ATP10B: variants seen among roughly 807,000 people sequenced by gnomAD.
ATP10B encodes the protein phospholipid-transporting ATPase VB.
ATP10B carries 122 observed loss-of-function variants against 141.2 expected under a neutral mutation model. The ratio of observed to expected loss-of-function variants is 0.86; its 90% CI spans 0.75 to 1.00. The LOEUF (loss-of-function observed/expected upper bound fraction) is 1.00. Among genes scored for constraint, ATP10B ranks in the 50% least tolerant of loss-of-function variants. The pLI is 0.00. For missense variants in ATP10B, 1,876 were observed against 1,825.3 expected (o/e 1.03, Z -0.51); for synonymous variants, 685 against 692.0 (o/e 0.99, Z 0.16).
At chr5:160,742,794 G>A (rs528582267) in intron 2 of ATP10B, among the ~76,000 whole-genome samples, 2 of 152,268 alleles carry the variant, frequency 1.3e-5, no homozygotes, top group Non-Finnish European at 2.9e-5. Flanking sequence ...CTAGTTTCTG[G>A]TTCTGGATGA....
At chr5:160,617,085 G>A (rs1039860175) in intron 16 of ATP10B, among the ~76,000 whole-genome samples, 1 of 152,180 alleles carries the variant, frequency 6.6e-6, no homozygotes, top group Non-Finnish European at 1.5e-5. Flanking sequence ...CTCTAATGCT[G>A]ACCTAAGAAC....
chr5:160,877,879 A>G, the ATP10B span, among the ~76,000 whole-genome samples: 3 of 147,208 alleles, frequency 2.0e-5, no homozygotes, highest in East Asian at 6.2e-4. Flanking sequence ...AATGAAATAA[A>G]AGAGGAAACA....
At chr5:160,740,504 A>C (rs191983032) in intron 2 of ATP10B, among the ~76,000 whole-genome samples, 80 of 152,274 alleles carry the variant, frequency 5.3e-4, no homozygotes, top group Non-Finnish European at 1.0e-3. Context: ...CTGGCTCTCC[A>C]CTGAGGAGCC....
intron 1 of ATP10B, among the ~76,000 whole-genome samples, chr5:160,817,048 A>T (rs1581590046): frequency 1.3e-5 from 2 of 152,232 alleles, no homozygotes; most frequent in Non-Finnish European, 2.9e-5. Flanking sequence ...CCAATATCAT[A>T]CTGAATGGGC....
chr5:160,773,762 CCT>C (rs928316565), intron 2 of ATP10B, among the ~76,000 whole-genome samples: 3 of 152,132 alleles, frequency 2.0e-5, no homozygotes, highest in African/African-American at 7.2e-5. Context: ...AAACATCCCA[CCT>C]CTGTTCCACC....
intron 7 of ATP10B, among the ~76,000 whole-genome samples, chr5:160,668,824 C>T (rs1315696851): frequency 6.6e-6 from 1 of 152,136 alleles, no homozygotes; most frequent in Non-Finnish European, 1.5e-5. Context: ...ATTATTATTC[C>T]CATGATATGC....
intron 2 of ATP10B, among the ~76,000 whole-genome samples, chr5:160,761,291 C>A (rs537665446): frequency 9.8e-5 from 15 of 152,324 alleles, no homozygotes; most frequent in African/African-American, 3.6e-4. Context: ...CTCACACAGT[C>A]CACTTCGCTC....
At chr5:160,603,392 C>T (rs2127627505) in intron 20 of ATP10B, 1 of 154,796 alleles carries the variant, frequency 6.5e-6, no homozygotes, top group South Asian at 2.0e-4. Context: ...CTGCAGGTCG[C>T]ATGTGGCCCA....
At chr5:160,855,421 A>G (rs1753970791), upstream of ATP10B, among the ~76,000 whole-genome samples, 1 of 149,426 alleles carries the variant, frequency 6.7e-6, no homozygotes, top group African/African-American at 2.5e-5. Context: ...TCAGTTATAT[A>G]TTTTGTTTGG....
chr5:160,603,979 G>A lies in ATP10B; in HGVS notation c.3223C>T (p.Gln1075Ter). 3 of 1,613,496 alleles carry A rather than the reference G, an allele frequency of 1.9e-6. No homozygotes were observed. The highest frequency in any genetic ancestry group is 1.1e-5 in the South Asian group (1 of 91,046). Reference sequence around the variant, plus strand: ...GAGAACAATACCTGCATGCCTTCCTGTCCAGATATTCCAATTCCAATATCA... The same window carrying A: ...GAGAACAATACCTGCATGCCTTCCTATCCAGATATTCCAATTCCAATATCA... ...AADIGIGISG[Q>*]EGMQAVMSSD... The change falls in exon 20 of 26, where the codon CAG becomes TAG. Residue 1075 changes from glutamine (Q) to a stop codon, truncating the protein, a stop_gained. Transcript: ENST00000327245. LOFTEE classifies it high-confidence loss of function.
chr5:160,800,838 T>C (rs1308773007), intron 1 of ATP10B, among the ~76,000 whole-genome samples: 2 of 152,214 alleles, frequency 1.3e-5, no homozygotes, highest in Non-Finnish European at 2.9e-5. Context: ...AAAACATCCA[T>C]ACTTCAAGGC....
the ATP10B span, among the ~76,000 whole-genome samples, chr5:160,868,521 TACACACACACACACAC>T: frequency 4.0e-3 from 520 of 130,400 alleles, 1 homozygote; most frequent in Non-Finnish European, 4.4e-3. Flanking sequence ...TATGAACAGA[TACACACACACACACAC>T]ACACACACAC....
rs1403459111 is a variant in ATP10B at position 160,632,174 on chromosome 5, C to T, written c.1575G>A (p.Gly525=). The change falls in exon 13 of 26, where the codon GGG becomes GGA. Residue 525 remains glycine (G), a synonymous_variant. Coordinates refer to ENST00000327245, the MANE Select transcript of ATP10B (RefSeq NM_025153.3). ...CAGGAGGCTGTGAGCTTTCACGGTG[C>T]CCCATAGACCTTTGCCGGTAGTGGC... ...IQGHYRQRSM[G]HRESSQPPVA... 6.2e-7 allele frequency: 1 copy of T among 1,614,024 alleles called. No homozygotes were observed. The highest frequency in any genetic ancestry group is 8.5e-7 in the Non-Finnish European group (1 of 1,179,998).
intron 2 of ATP10B, among the ~76,000 whole-genome samples, chr5:160,744,773 C>A (rs964808928): frequency 2.7e-4 from 41 of 152,136 alleles, no homozygotes; most frequent in African/African-American, 8.9e-4. Flanking sequence ...TTGAGACAGA[C>A]AATTTACATA....
chr5:160,744,731 G>A (rs562547474), intron 2 of ATP10B, among the ~76,000 whole-genome samples: 1 of 152,338 alleles, frequency 6.6e-6, no homozygotes, highest in Non-Finnish European at 1.5e-5. Context: ...AGCTGAGACT[G>A]AAGTACAATG....
intron 24 of ATP10B, among the ~76,000 whole-genome samples, chr5:160,584,046 C>T (rs1481184083): frequency 1.3e-5 from 2 of 152,030 alleles, no homozygotes; most frequent in Non-Finnish European, 2.9e-5. Context: ...ACAGTTCTAT[C>T]TCTTTGGCAT....
At chr5:160,847,133 A>G (rs1449745966) in intron 1 of ATP10B, among the ~76,000 whole-genome samples, 1 of 152,182 alleles carries the variant, frequency 6.6e-6, no homozygotes, top group East Asian at 1.9e-4. Flanking sequence ...TGTTGTCTGC[A>G]TGATTGCAAG....
intron 6 of ATP10B, among the ~76,000 whole-genome samples, chr5:160,675,307 C>T (rs1762955600): frequency 6.6e-6 from 1 of 151,960 alleles, no homozygotes; most frequent in Non-Finnish European, 1.5e-5. Flanking sequence ...GACAAATCAA[C>T]ATGGCTCGGG....
At chr5:160,866,633 C>G in the ATP10B span, among the ~76,000 whole-genome samples, 1 of 152,114 alleles carries the variant, frequency 6.6e-6, no homozygotes, top group East Asian at 1.9e-4. Context: ...GAGATCACAC[C>G]ATTGCACTCC....
Sources: gnomAD v4.1 joint callset for allele counts (sites outside exome capture counted in the v4.1 genomes callset) on GRCh38, gnomAD v4.1.1 for gene constraint, MANE v1.5 for transcripts, NCBI Gene and HGNC (gene_info 2026-07-23, HGNC 2026-07-21) for gene names.